THSD4: variants seen among roughly 807,000 people sequenced by gnomAD.
The protein encoded by THSD4 is thrombospondin type 1 domain containing 4.
A neutral mutation model predicts 119.0 loss-of-function variants in THSD4; 69 were observed. The observed-to-expected ratio is 0.58, with a 90% confidence interval of 0.48 to 0.71. The LOEUF (loss-of-function observed/expected upper bound fraction) is 0.71. Among genes scored for constraint, THSD4 ranks in the 30% least tolerant of loss-of-function variants. The probability of loss-of-function intolerance (pLI) is 0.00; values close to 1 mark genes in which losing one functional copy is unlikely to be tolerated. For missense variants in THSD4, 1,393 were observed against 1,391.1 expected, an observed-to-expected ratio of 1.00 and a Z score of -0.02; for synonymous variants, 524 against 540.4, an observed-to-expected ratio of 0.97 and a Z score of 0.42.
intron 6 of THSD4, among the ~76,000 whole-genome samples, chr15:71,279,784 T>TA (rs5813623): frequency 1.5e-4 from 23 of 148,682 alleles, no homozygotes; most frequent in African/African-American, 2.7e-4. Flanking sequence ...TTTTCCCCTT[T>TA]AAAAAAAAAA....
rs568581197 is a variant in THSD4 at position 71,161,324 on chromosome 15, C to G, written c.99+6392C>G. 2.6e-5 allele frequency among the ~76,000 whole-genome samples: 4 copies of G among 152,142 alleles called. No individual in the cohort carries two copies. The East Asian group carries it at 7.7e-4, about 29-fold the overall frequency. ...TTTGTTGATTGTCTGTCTAGGTGAT[C>G]TGTCTGTTGTTGAAAGTGGGGTGTT... On this transcript the variant is annotated intron_variant, in intron 3 of 17. Transcript: ENST00000261862.
intron 6 of THSD4, among the ~76,000 whole-genome samples, chr15:71,388,750 TA>T (rs1402535710): frequency 1.3e-5 from 2 of 151,762 alleles, no homozygotes; most frequent in African/African-American, 4.8e-5. Context: ...AGTCCTTTTT[TA>T]AAAAAATTGT....
At chr15:71,564,016 C>A (rs967786574) in intron 7 of THSD4, among the ~76,000 whole-genome samples, 11 of 152,132 alleles carry the variant, frequency 7.2e-5, no homozygotes, top group African/African-American at 2.4e-4. Context: ...CTTCATTTTA[C>A]TTTTGTATAT....
chr15:71,375,883 C>T (rs1041851079), intron 6 of THSD4, among the ~76,000 whole-genome samples: 3 of 152,092 alleles, frequency 2.0e-5, no homozygotes, highest in Admixed American at 6.5e-5. Context: ...TTTAATAAAC[C>T]CTCCAGGTGA....
intron 1 of THSD4, among the ~76,000 whole-genome samples, chr15:71,116,913 G>A (rs965385638): frequency 6.6e-6 from 1 of 152,030 alleles, no homozygotes; most frequent in African/African-American, 2.4e-5. Flanking sequence ...CTTAAAATAC[G>A]GAACTCTTCA....
At chr15:71,612,310 A>C (rs2050245718) in intron 7 of THSD4, among the ~76,000 whole-genome samples, 2 of 152,212 alleles carry the variant, frequency 1.3e-5, no homozygotes, top group Admixed American at 1.3e-4. Context: ...CAATTTCAAC[A>C]ATCACCCCCC....
chr15:71,282,966 A>ATTTT (rs573742429), intron 6 of THSD4, among the ~76,000 whole-genome samples: 3 of 131,012 alleles, frequency 2.3e-5, no homozygotes, highest in East Asian at 2.2e-4. Flanking sequence ...GGCAGGTTAG[A>ATTTT]TTTTTTTTTT....
chr15:71,362,849 G>A (rs574703745), intron 6 of THSD4, among the ~76,000 whole-genome samples: 3 of 151,876 alleles, frequency 2.0e-5, no homozygotes, highest in South Asian at 4.2e-4. Flanking sequence ...TATACTCACT[G>A]CTTCCCTTCA....
chr15:71,727,779 A>AAT (rs398027862), intron 8 of THSD4, among the ~76,000 whole-genome samples: 1 of 129,112 alleles, frequency 7.7e-6, no homozygotes, highest in Non-Finnish European at 1.7e-5. Context: ...CAAAAAAAAA[A>AAT]GGGGAGGGCT....
At chr15:71,618,288 A>G (rs1034409314) in intron 7 of THSD4, among the ~76,000 whole-genome samples, 1 of 152,200 alleles carries the variant, frequency 6.6e-6, no homozygotes, top group Admixed American at 6.5e-5. Context: ...CACACTCCAT[A>G]AAAGTAAGCA....
chr15:71,399,952 A>AT lies in THSD4; in HGVS notation c.1016-11727dup, dbSNP rs564191084. 4.6e-5 allele frequency among the ~76,000 whole-genome samples: 7 copies of AT among 152,174 alleles called. No homozygotes were observed. In the South Asian group the frequency reaches 1.5e-3, roughly 32 times the overall value. ...CTATTGATAGAAAATTGAGCCAATG[A>AT]TTTTTTTTCAGGGTTTAAAAGGGAT... is the stretch of plus-strand genomic sequence containing the variant. On this transcript the variant is annotated intron_variant, in intron 6 of 17. Coordinates refer to ENST00000261862, the MANE Select transcript of THSD4 (RefSeq NM_024817.3).
intron 7 of THSD4, among the ~76,000 whole-genome samples, chr15:71,414,705 T>C (rs2046735981): frequency 6.6e-6 from 1 of 152,210 alleles, no homozygotes. Context: ...TATAAGGACA[T>C]GGGTATGGAT....
At chr15:71,211,653 A>G (rs1431586021) in intron 3 of THSD4, among the ~76,000 whole-genome samples, 1 of 152,146 alleles carries the variant, frequency 6.6e-6, no homozygotes, top group African/African-American at 2.4e-5. Flanking sequence ...TTCAGTCCAC[A>G]ACACCTGTGA....
At chr15:71,330,486 C>T (rs1468109235) in intron 6 of THSD4, among the ~76,000 whole-genome samples, 3 of 152,156 alleles carry the variant, frequency 2.0e-5, no homozygotes, top group African/African-American at 4.8e-5. Flanking sequence ...GATTGTGATT[C>T]GTTGGGAAGC....
chr15:71,263,331 G>GTGTATATATATATATATA (rs1555458973), intron 6 of THSD4, among the ~76,000 whole-genome samples: 3 of 138,842 alleles, frequency 2.2e-5, no homozygotes, highest in African/African-American at 8.0e-5. Flanking sequence ...GTATTCCATG[G>GTGTATATATATATATATA]TATATATATA....
rs755774897 is a variant in THSD4, at chr15:71,199,890, G to GGGGT, written c.100-15144_100-15143insGGTG. Among the ~76,000 whole-genome samples the GGGGT allele has an allele frequency of 9.3e-3, 364 of 39,112 alleles. 1 individual carries two copies. Among genetic ancestry groups the GGGGT allele is most frequent in the Non-Finnish European group, 0.027 (232 of 8,608 alleles). 25.7% of individuals were successfully genotyped at this position (39,112 alleles called of 152,430 possible). A position where few individuals can be genotyped will look rare whatever the true frequency, so the allele number is the denominator to read the frequency against. On this transcript the variant is annotated intron_variant, in intron 3 of 17. Transcript: ENST00000261862. Reference sequence around the variant, plus strand: ...GTGTGTGTGTGTGTGGTGCATGTGTGGTATGTGTGTGTGGTGCATGTGTGG... The same window carrying GGGGT: ...GTGTGTGTGTGTGTGGTGCATGTGTGGGGTGTATGTGTGTGTGGTGCATGTGTGG...
chr15:71,579,279 G>C (rs2049514844), intron 7 of THSD4, among the ~76,000 whole-genome samples: 1 of 152,172 alleles, frequency 6.6e-6, no homozygotes. Flanking sequence ...CTTCATGGTT[G>C]TACAGTAGCT....
At chr15:71,298,223 A>G (rs987795997) in intron 6 of THSD4, among the ~76,000 whole-genome samples, 3 of 152,180 alleles carry the variant, frequency 2.0e-5, no homozygotes, top group African/African-American at 7.2e-5. Context: ...TGGTCTTGGT[A>G]CCTTTATCCA....
intron 8 of THSD4, among the ~76,000 whole-genome samples, chr15:71,667,297 T>C (rs1242741212): frequency 1.3e-5 from 2 of 152,268 alleles, no homozygotes; most frequent in Non-Finnish European, 2.9e-5. Context: ...TTTGTATTAC[T>C]TGCCTTTTTC....
Sources: gnomAD v4.1 joint callset for allele counts (sites outside exome capture counted in the v4.1 genomes callset) on GRCh38, gnomAD v4.1.1 for gene constraint, MANE v1.5 for transcripts, NCBI Gene and HGNC (gene_info 2026-07-23, HGNC 2026-07-21) for gene names.